The following NDST3 variants were observed in gnomAD, a reference collection of about 807,000 sequenced individuals.
The protein encoded by NDST3 is N-deacetylase and N-sulfotransferase 3.
NDST3 carries 58 observed loss-of-function variants against 96.1 expected under a neutral mutation model. The observed-to-expected ratio is 0.60, with a 90% confidence interval of 0.49 to 0.75. The LOEUF is 0.75. Among genes scored for constraint, NDST3 ranks in the 30% least tolerant of loss-of-function variants. The probability of loss-of-function intolerance (pLI) is 0.00; values close to 1 mark genes in which losing one functional copy is unlikely to be tolerated. For missense variants in NDST3, 788 were observed against 1,034.2 expected, an observed-to-expected ratio of 0.76 and a Z score of 3.27; for synonymous variants, 333 against 359.7, an observed-to-expected ratio of 0.93 and a Z score of 0.84.
intron 6 of NDST3, among the ~76,000 whole-genome samples, chr4:118,144,115 T>C (rs1220404030): frequency 6.6e-6 from 1 of 152,124 alleles, no homozygotes; most frequent in Non-Finnish European, 1.5e-5. Context: ...TCTAGTTATA[T>C]TTTCTACTTC....
chr4:118,184,898 G>T (rs1310245975), intron 6 of NDST3, among the ~76,000 whole-genome samples: 1 of 152,072 alleles, frequency 6.6e-6, no homozygotes, highest in Non-Finnish European at 1.5e-5. Context: ...TTTCCATGAA[G>T]TGGCTTTTTC....
intron 5 of NDST3, among the ~76,000 whole-genome samples, chr4:118,139,507 G>A (rs1156686465): frequency 2.0e-5 from 3 of 152,082 alleles, no homozygotes; most frequent in South Asian, 4.1e-4. Context: ...CAATAAGCGA[G>A]AGAAAATAAG....
chr4:118,209,867 G>A (rs1224383655), intron 6 of NDST3, among the ~76,000 whole-genome samples: 3 of 152,142 alleles, frequency 2.0e-5, no homozygotes, highest in Admixed American at 6.5e-5. Context: ...ACTAAGGCAC[G>A]AGCCAGGTAG....
intron 4 of NDST3, among the ~76,000 whole-genome samples, chr4:118,123,337 G>A (rs1266013362): frequency 6.6e-6 from 1 of 152,066 alleles, no homozygotes; most frequent in African/African-American, 2.4e-5. Flanking sequence ...CATATTTTCA[G>A]GGAGATTAAA....
At chr4:118,110,711 G>T (rs181593159) in intron 3 of NDST3, among the ~76,000 whole-genome samples, 2 of 152,220 alleles carry the variant, frequency 1.3e-5, no homozygotes, top group African/African-American at 4.8e-5. Flanking sequence ...TTTGTGATAA[G>T]TTAAGAAATG....
intron 6 of NDST3, among the ~76,000 whole-genome samples, chr4:118,148,861 A>G (rs1734158107): frequency 6.6e-6 from 1 of 152,212 alleles, no homozygotes; most frequent in Non-Finnish European, 1.5e-5. Context: ...AATGATAATA[A>G]CTTTAGACCT....
At chr4:118,197,992 G>C (rs903997660) in intron 6 of NDST3, among the ~76,000 whole-genome samples, 1 of 151,968 alleles carries the variant, frequency 6.6e-6, no homozygotes, top group African/African-American at 2.4e-5. Context: ...TAGAGACAGG[G>C]TTTCACCATG....
At chr4:118,238,215 GAAAGAAAGAA>G (rs1740803957) in intron 10 of NDST3, among the ~76,000 whole-genome samples, 6 of 120,252 alleles carry the variant, frequency 5.0e-5, no homozygotes, top group East Asian at 2.4e-4. Flanking sequence ...AAGAAAGAAA[GAAAGAAAGAA>G]AAAGAAAGAA....
At chr4:118,082,468 C>T (rs1728100624) in intron 2 of NDST3, among the ~76,000 whole-genome samples, 1 of 152,164 alleles carries the variant, frequency 6.6e-6, no homozygotes, top group Non-Finnish European at 1.5e-5. Context: ...GATACCTGCA[C>T]ATACAGTGGG....
intron 6 of NDST3, among the ~76,000 whole-genome samples, chr4:118,184,788 T>C (rs1305881335): frequency 2.0e-4 from 31 of 152,200 alleles, no homozygotes; most frequent in Non-Finnish European, 1.5e-5. Context: ...CTCTGTACTA[T>C]GTACTTACTT....
At chr4:118,231,055 G>T (rs2125999244) in intron 8 of NDST3, among the ~76,000 whole-genome samples, 1 of 152,040 alleles carries the variant, frequency 6.6e-6, no homozygotes, top group South Asian at 2.1e-4. Context: ...CTATTTAAGG[G>T]CGGGGCACAG....
At chr4:118,227,428 T>C (rs1739962276) in intron 8 of NDST3, among the ~76,000 whole-genome samples, 1 of 152,148 alleles carries the variant, frequency 6.6e-6, no homozygotes, top group African/African-American at 2.4e-5. Context: ...TGTAAACTAT[T>C]TCTTGCAGAG....
intron 6 of NDST3, among the ~76,000 whole-genome samples, chr4:118,153,583 G>A (rs1254899542): frequency 6.6e-6 from 1 of 152,134 alleles, no homozygotes; most frequent in South Asian, 2.1e-4. Flanking sequence ...AGCACTTTGG[G>A]ATGCCAAAGC....
At chr4:118,057,845 G>A (rs1255246615) in intron 2 of NDST3, among the ~76,000 whole-genome samples, 1 of 152,002 alleles carries the variant, frequency 6.6e-6, no homozygotes, top group African/African-American at 2.4e-5. Flanking sequence ...AAGGAAAAAA[G>A]AGAAATTATA....
intron 2 of NDST3, among the ~76,000 whole-genome samples, chr4:118,065,159 G>C (rs1423047228): frequency 6.6e-5 from 10 of 152,048 alleles, no homozygotes; most frequent in Non-Finnish European, 1.5e-4. Context: ...GGGAGGTAAA[G>C]GAGATATTAT....
intron 6 of NDST3, among the ~76,000 whole-genome samples, chr4:118,161,953 G>A (rs562750673): frequency 1.2e-4 from 18 of 152,192 alleles, no homozygotes; most frequent in East Asian, 7.8e-4. Flanking sequence ...GAAATCACCC[G>A]TCTTCTGCAT....
chr4:118,134,238 G>T (rs1422365610), intron 4 of NDST3, among the ~76,000 whole-genome samples: 1 of 152,174 alleles, frequency 6.6e-6, no homozygotes, highest in Non-Finnish European at 1.5e-5. Context: ...CTAAAATTCA[G>T]TGAAGGATGG....
chr4:118,248,411 C>T (rs1741459026), intron 12 of NDST3, among the ~76,000 whole-genome samples: 2 of 152,076 alleles, frequency 1.3e-5, no homozygotes, highest in South Asian at 2.1e-4. Context: ...TCTTGGTGCC[C>T]CTGCCCACAA....
intron 6 of NDST3, chr4:118,193,555 C>T (rs762228917): frequency 3.3e-5 from 34 of 1,032,424 alleles, no homozygotes; most frequent in Non-Finnish European, 4.1e-5. Context: ...TGGCGTAGAG[C>T]GTCTTCTCCC....
Sources: gnomAD v4.1 joint callset for allele counts (sites outside exome capture counted in the v4.1 genomes callset) on GRCh38, gnomAD v4.1.1 for gene constraint, MANE v1.5 for transcripts, NCBI Gene and HGNC (gene_info 2026-07-23, HGNC 2026-07-21) for gene names.